The following SEMA3F variants were observed in gnomAD, a reference collection of about 807,000 sequenced individuals.
SEMA3F encodes semaphorin-3F.
A neutral mutation model predicts 98.5 loss-of-function variants in SEMA3F; 30 were observed. The ratio of observed to expected loss-of-function variants is 0.30; its 90% confidence interval spans 0.23 to 0.41. The LOEUF is 0.41. Among genes scored for constraint, SEMA3F ranks in the 10% least tolerant of loss-of-function variants. The pLI, the probability that SEMA3F is intolerant of heterozygous loss-of-function variation, is 1.00. For synonymous variants in SEMA3F, 380 were observed against 444.8 expected (o/e 0.85, Z 1.83); for missense variants, 866 against 1,119.3 (o/e 0.77, Z 3.23).
At chr3:50,183,354 G>A in intron 11 of SEMA3F, 66 bp from the exon 12 acceptor site, 2 of 1,605,476 alleles carry the variant, frequency 1.2e-6, no homozygotes, top group Non-Finnish European at 1.7e-6. Context: ...GTGGGGAGGG[G>A]GCAGTTTGGG....
intron 18 of SEMA3F, 71 bp from the exon 19 acceptor site, chr3:50,187,634 C>T: frequency 7.3e-7 from 1 of 1,375,790 alleles, no homozygotes; most frequent in South Asian, 1.5e-5. Flanking sequence ...CAAAGGTGGT[C>T]TGATCTGGTT....
At chr3:50,162,387 TCAGCAGCA>T (rs1698239646) in intron 2 of SEMA3F, among the ~76,000 whole-genome samples, 1 of 152,306 alleles carries the variant, frequency 6.6e-6, no homozygotes, top group South Asian at 2.1e-4. Flanking sequence ...CTTCTGGGCT[TCAGCAGCA>T]CAGCCAAAAT....
At chr3:50,170,122 A>G (rs1698549193) in intron 2 of SEMA3F, among the ~76,000 whole-genome samples, 2 of 151,996 alleles carry the variant, frequency 1.3e-5, no homozygotes, top group Admixed American at 1.3e-4. Flanking sequence ...CTTTTCACCT[A>G]CAGTCTGGCA....
intron 7 of SEMA3F, among the ~76,000 whole-genome samples, chr3:50,180,522 C>T (rs1035338197): frequency 5.3e-5 from 8 of 152,196 alleles, no homozygotes; most frequent in African/African-American, 1.9e-4. Context: ...CACTTAGAGG[C>T]CATTGTGGGA....
In SEMA3F at chr3:50,158,009, C is replaced by T. The variant is rs927026325; in HGVS notation, c.-48-1566C>T. On this transcript the variant is annotated intron_variant, in intron 1 of 18. Coordinates refer to ENST00000002829, the MANE Select transcript of SEMA3F (RefSeq NM_004186.5). This position sits in a 1 kb window ranked among gnomAD's most constrained non-coding sequence, Gnocchi z 4.8. ...CTAGCAGGTCAAGTTCTTGAGCAAA[C>T]TCATGCTTGTAAGGACGTGTGTGGG... 2.0e-5 allele frequency among the ~76,000 whole-genome samples: 3 copies of T among 152,228 alleles called. No homozygotes were observed. The highest frequency in any genetic ancestry group is 2.9e-5 in the Non-Finnish European group (2 of 68,036).
chr3:50,183,733 G>T (rs1699104016), intron 12 of SEMA3F, 169 bp downstream of exon 12: 1 of 701,342 alleles, frequency 1.4e-6, no homozygotes, highest in Non-Finnish European at 2.3e-6. Flanking sequence ...AGCTGTGGAG[G>T]AGCCCAGATG....
At chr3:50,180,008 C>G (rs188330839) in intron 7 of SEMA3F, among the ~76,000 whole-genome samples, 1 of 152,294 alleles carries the variant, frequency 6.6e-6, no homozygotes, top group East Asian at 1.9e-4. Context: ...ACTGGAATAG[C>G]CCTTCTAATT....
At chr3:50,186,482 G>A (rs1401873703) in intron 17 of SEMA3F, 131 bp from the exon 18 acceptor site, 5 of 1,402,408 alleles carry the variant, frequency 3.6e-6, no homozygotes, top group Admixed American at 1.9e-5. Flanking sequence ...ATGGAGATGG[G>A]ATGTCCCTAG....
At chr3:50,163,708 C>T (rs1215389536) in intron 2 of SEMA3F, among the ~76,000 whole-genome samples, 1 of 152,134 alleles carries the variant, frequency 6.6e-6, no homozygotes, top group African/African-American at 2.4e-5. Flanking sequence ...CAGAGCAAGG[C>T]ATGGGGCTTT....
intron 2 of SEMA3F, among the ~76,000 whole-genome samples, chr3:50,167,222 C>T (rs1246245716): frequency 6.6e-6 from 1 of 152,190 alleles, no homozygotes; most frequent in African/African-American, 2.4e-5. Context: ...CCAAGTGGGA[C>T]GTCTAGGCCT....
intron 7 of SEMA3F, among the ~76,000 whole-genome samples, chr3:50,178,157 A>G (rs936002481): frequency 2.6e-5 from 4 of 151,806 alleles, no homozygotes; most frequent in African/African-American, 4.8e-5. Context: ...CAGGAGAATC[A>G]CTTGAACCTG....
Position 50,173,835 on chromosome 3 carries a change from T to G in SEMA3F, c.155T>G (p.Leu52Arg), listed in dbSNP as rs745455419. 1 of 1,614,006 alleles carries G rather than the reference T, an allele frequency of 6.2e-7. No homozygotes were observed. The highest frequency in any genetic ancestry group is 1.1e-5 in the South Asian group (1 of 91,078). The change falls in exon 3 of 19, where the codon CTC (leucine) becomes CGC (arginine). Residue 52 changes from leucine (L) to arginine (R), a missense_variant. Coordinates refer to ENST00000002829, the MANE Select transcript of SEMA3F (RefSeq NM_004186.5). ...ACCGCCCACTTCTTCAACTTCCTGCTCAACACAACCGACTACCGAATCTTG... is the reference window on the plus strand; with the variant it reads ...ACCGCCCACTTCTTCAACTTCCTGCGCAACACAACCGACTACCGAATCTTG... ...TGTAHFFNFLLNTTDYRILLK... is the reference protein window; with the variant it reads ...TGTAHFFNFLRNTTDYRILLK...
Position 50,186,313 on chromosome 3 carries a change from AC to A in SEMA3F, c.1782del (p.Ile595SerfsTer118). On this transcript the variant is annotated frameshift_variant, in exon 17 of 19. Coordinates refer to ENST00000002829, the MANE Select transcript of SEMA3F (RefSeq NM_004186.5). LOFTEE classifies it high-confidence loss of function. ...CGCCGGCAGGACGTCCGGCACGGAA[AC>A]CCCATCAGGCAGTGCCGTGGGTTCA... The part of the protein sequence containing the change: ...RSRRQDVRHG[N>X]PIRQCRGFNS... The A allele has an allele frequency of 6.2e-7, 1 of 1,613,808 alleles. No individual in the cohort carries two copies. Among genetic ancestry groups the A allele is most frequent in the Non-Finnish European group, 8.5e-7 (1 of 1,179,944 alleles).
chr3:50,162,055 G>T (rs1023245972), intron 2 of SEMA3F, among the ~76,000 whole-genome samples: 10 of 152,198 alleles, frequency 6.6e-5, no homozygotes, highest in African/African-American at 2.4e-4. Flanking sequence ...TTTCATCTGT[G>T]CCTTGGATGG....
chr3:50,163,584 G>A (rs1236358225), intron 2 of SEMA3F, among the ~76,000 whole-genome samples: 3 of 152,256 alleles, frequency 2.0e-5, no homozygotes, highest in African/African-American at 7.2e-5. Context: ...TGTGAGTTGA[G>A]GTGCCTCTAG....
chr3:50,181,602 G>A (rs558860555), intron 7 of SEMA3F, among the ~76,000 whole-genome samples: 86 of 148,362 alleles, frequency 5.8e-4, no homozygotes, highest in African/African-American at 2.0e-3. Context: ...GATTACAGGA[G>A]GCATAAGCCA....
In SEMA3F at chr3:50,156,983, G is replaced by C. The variant is rs1035710925; in HGVS notation, c.-49+1419G>C. Among the ~76,000 whole-genome samples the C allele has an allele frequency of 6.6e-6, 1 of 152,012 alleles. No homozygotes were observed. Among genetic ancestry groups the C allele is most frequent in the South Asian group, 2.1e-4 (1 of 4,814 alleles). On this transcript the variant is annotated intron_variant, in intron 1 of 18. Coordinates refer to ENST00000002829, the MANE Select transcript of SEMA3F (RefSeq NM_004186.5). The surrounding 1 kb of genome is among the most constrained non-coding windows in gnomAD (Gnocchi z 4.5). Reference sequence around the variant, plus strand: ...GGGGATGGGGAAGCTGAGGAGCCAAGAAGGAGACAGAGCTCTTGTTGAAGT... The same window carrying C: ...GGGGATGGGGAAGCTGAGGAGCCAACAAGGAGACAGAGCTCTTGTTGAAGT...
intron 6 of SEMA3F, among the ~76,000 whole-genome samples, chr3:50,175,692 T>TG (rs1261994868): frequency 7.4e-6 from 1 of 135,994 alleles, no homozygotes; most frequent in Admixed American, 7.2e-5. Context: ...GACCTGGGTC[T>TG]GGGCTGGGAG....
At chr3:50,186,881 T>C in intron 18 of SEMA3F, 135 bp downstream of exon 18, 1 of 977,912 alleles carries the variant, frequency 1.0e-6, no homozygotes, top group Non-Finnish European at 1.4e-6. Context: ...TGCAAATCCT[T>C]TGAGTGAAAA....
Sources: gnomAD v4.1 joint callset for allele counts (sites outside exome capture counted in the v4.1 genomes callset) on GRCh38, gnomAD v4.1.1 for gene constraint, Gnocchi (gnomAD v3.1) non-coding constraint, MANE v1.5 for transcripts, NCBI Gene and HGNC (gene_info 2026-07-23, HGNC 2026-07-21) for gene names.